The following MED13L variants were observed in gnomAD, a reference collection of about 807,000 sequenced individuals.
The protein encoded by MED13L is mediator of RNA polymerase II transcription subunit 13-like.
Under a neutral mutation model 220.9 loss-of-function variants are expected in MED13L, and 7 were observed. The observed-to-expected ratio is 0.03, with a 90% CI of 0.02 to 0.06. MED13L has a LOEUF of 0.06. Ranked by LOEUF, MED13L falls within the 10% of genes least tolerant of loss-of-function variation. MED13L has a pLI of 1.00. For missense variants in MED13L, 1,965 were observed against 2,760.5 expected, an observed-to-expected ratio of 0.71 and a Z score of 6.46; for synonymous variants, 1,011 against 1,015.2, an observed-to-expected ratio of 1.00 and a Z score of 0.08.
At chr12:116,123,935 C>A (rs1020323510) in intron 2 of MED13L, among the ~76,000 whole-genome samples, 3 of 152,070 alleles carry the variant, frequency 2.0e-5, no homozygotes, top group South Asian at 2.1e-4. Flanking sequence ...CAGGCTGAGA[C>A]TAATGCATTC....
At chr12:116,017,203 G>A (rs1405105054) in intron 7 of MED13L, among the ~76,000 whole-genome samples, 1 of 152,174 alleles carries the variant, frequency 6.6e-6, no homozygotes, top group African/African-American at 2.4e-5. Context: ...GAAGGAATTT[G>A]AAGATCCATA....
At chr12:116,262,946 C>G (rs1308795383) in intron 1 of MED13L, among the ~76,000 whole-genome samples, 1 of 152,174 alleles carries the variant, frequency 6.6e-6, no homozygotes, top group African/African-American at 2.4e-5. Flanking sequence ...AAACCTGATT[C>G]AATCTGTGCA....
intron 23 of MED13L, among the ~76,000 whole-genome samples, chr12:115,978,067 A>C (rs2137253199): frequency 6.6e-6 from 1 of 152,182 alleles, no homozygotes; most frequent in Admixed American, 6.5e-5. Context: ...TGAGCAATAT[A>C]ATTAGACCCT....
rs1180695902 is a variant in MED13L at position 116,050,947 on chromosome 12, CAAA to C, written c.480-28349_480-28347del. Among the ~76,000 whole-genome samples the C allele has an allele frequency of 9.2e-5, 14 of 151,448 alleles. No individual in the cohort carries two copies. In the South Asian group the frequency reaches 1.0e-3, roughly 11 times the overall value. On this transcript the variant is annotated intron_variant, in intron 4 of 30. Coordinates refer to ENST00000281928, the MANE Select transcript of MED13L (RefSeq NM_015335.5). ...GACTCCATCTCAAGAAAAACAACAA[CAAA>C]AAAAAAAACCCAGAAATTTACATTC...
chr12:116,270,983 A>G (rs1873265001), intron 1 of MED13L, among the ~76,000 whole-genome samples: 1 of 142,152 alleles, frequency 7.0e-6, no homozygotes, highest in East Asian at 2.4e-4. Context: ...CGGAGGTTGC[A>G]GCGAGGCGAC....
intron 1 of MED13L, among the ~76,000 whole-genome samples, chr12:116,259,924 G>A (rs1233220502): frequency 1.3e-5 from 2 of 151,454 alleles, no homozygotes; most frequent in Admixed American, 6.6e-5. Flanking sequence ...ATAAGCACAT[G>A]GGAAATGTTA....
chr12:116,253,425 G>A (rs138867274), intron 1 of MED13L, among the ~76,000 whole-genome samples: 8 of 152,018 alleles, frequency 5.3e-5, no homozygotes, highest in Admixed American at 1.3e-4. Flanking sequence ...GAAAACAAAG[G>A]AGGGACTATT....
chr12:116,050,749 C>T (rs1271523759), intron 4 of MED13L, among the ~76,000 whole-genome samples: 3 of 152,080 alleles, frequency 2.0e-5, no homozygotes, highest in Non-Finnish European at 4.4e-5. Flanking sequence ...CCAGACTAGC[C>T]AACATGGTGA....
At position 115,997,687 on chromosome 12, in the gene MED13L, G is replaced by A. The variant is rs188651685; in HGVS notation, c.2570-457C>T. Among the ~76,000 whole-genome samples the A allele has an allele frequency of 1.6e-4, 24 of 152,342 alleles. No homozygotes were observed. In the East Asian group the frequency reaches 2.5e-3, roughly 16 times the overall value. ...CCCGCCTGCCTCGTACTCCCCAAGC[G>A]CTGGGATGGCAGGTGTGAGCCACTG... On this transcript the variant is annotated intron_variant, in intron 14 of 30. Transcript: ENST00000281928.
At chr12:116,181,689 G>C (rs1880539597) in intron 2 of MED13L, among the ~76,000 whole-genome samples, 1 of 151,992 alleles carries the variant, frequency 6.6e-6, no homozygotes, top group South Asian at 2.1e-4. Context: ...AGTTTTAGTA[G>C]AGACGGGGTT....
At chr12:115,997,887 C>T (rs984489242) in intron 14 of MED13L, among the ~76,000 whole-genome samples, 1 of 152,222 alleles carries the variant, frequency 6.6e-6, no homozygotes, top group African/African-American at 2.4e-5. Context: ...ATAGTTACCA[C>T]TACTAAAGTT....
chr12:116,116,833 T>C (rs1285194992), intron 2 of MED13L, among the ~76,000 whole-genome samples: 1 of 151,584 alleles, frequency 6.6e-6, no homozygotes, highest in Non-Finnish European at 1.5e-5. Flanking sequence ...TCTGCAACAT[T>C]TGGTCACAGA....
At chr12:116,071,047 G>A (rs1362525427) in intron 4 of MED13L, among the ~76,000 whole-genome samples, 2 of 152,044 alleles carry the variant, frequency 1.3e-5, no homozygotes, top group African/African-American at 4.8e-5. Context: ...CAAAATATCA[G>A]TATTTTTAAT....
intron 4 of MED13L, among the ~76,000 whole-genome samples, chr12:116,037,686 C>T (rs1881270294): frequency 6.6e-6 from 1 of 152,186 alleles, no homozygotes; most frequent in East Asian, 1.9e-4. Context: ...TTCCCAGCAC[C>T]GTAGTGGTAT....
At chr12:116,219,813 C>G (rs191483715) in intron 2 of MED13L, among the ~76,000 whole-genome samples, 26 of 152,046 alleles carry the variant, frequency 1.7e-4, no homozygotes, top group East Asian at 1.4e-3. Flanking sequence ...TGTTTTGTTT[C>G]TTGAGACAGA....
intron 2 of MED13L, among the ~76,000 whole-genome samples, chr12:116,120,928 G>A (rs963746819): frequency 8.5e-5 from 13 of 152,092 alleles, no homozygotes; most frequent in African/African-American, 3.1e-4. Flanking sequence ...TAAAATAAAT[G>A]AGTGACAACA....
At chr12:116,273,608 T>C (rs910537510) in intron 1 of MED13L, among the ~76,000 whole-genome samples, 4 of 152,122 alleles carry the variant, frequency 2.6e-5, no homozygotes, top group African/African-American at 9.7e-5. Flanking sequence ...GCTTCAAATA[T>C]AGAACTAATG....
At chr12:116,133,329 T>C (rs1045468909) in intron 2 of MED13L, among the ~76,000 whole-genome samples, 1 of 152,216 alleles carries the variant, frequency 6.6e-6, no homozygotes, top group African/African-American at 2.4e-5. Flanking sequence ...AAGTCCAATA[T>C]TGAGTTTTCT....
chr12:116,272,691 G>C, intron 1 of MED13L, among the ~76,000 whole-genome samples: 1 of 152,114 alleles, frequency 6.6e-6, no homozygotes, highest in East Asian at 1.9e-4. Flanking sequence ...CTTCTTCCCA[G>C]TGAGTACTTC....
Sources: gnomAD v4.1 joint callset for allele counts (sites outside exome capture counted in the v4.1 genomes callset) on GRCh38, gnomAD v4.1.1 for gene constraint, MANE v1.5 for transcripts, NCBI Gene and HGNC (gene_info 2026-07-23, HGNC 2026-07-21) for gene names.